PDE4DIP: variants seen among roughly 807,000 people sequenced by gnomAD.
The protein encoded by PDE4DIP is myomegalin.
In PDE4DIP, 59 loss-of-function variants were observed where a neutral mutation model predicts 221.4. The observed-to-expected ratio is 0.27, with a 90% confidence interval of 0.22 to 0.33. The LOEUF (loss-of-function observed/expected upper bound fraction) is 0.33, where lower values mean the gene tolerates loss of function less well. PDE4DIP is among the 10% of genes least tolerant of loss of function. PDE4DIP has a pLI of 1.00. For synonymous variants in PDE4DIP, 404 were observed against 815.9 expected, an observed-to-expected ratio of 0.50 and a Z score of 8.60; for missense variants, 1,036 against 2,154.2, an observed-to-expected ratio of 0.48 and a Z score of 10.28.
At chr1:148,989,664 A>G (rs2062622345) in intron 21 of PDE4DIP, among the ~76,000 whole-genome samples, 1 of 152,172 alleles carries the variant, frequency 6.6e-6, no homozygotes, top group Admixed American at 6.5e-5. Context: ...CTTCAACTAC[A>G]GGATCCTTCT....
At chr1:148,953,209 G>A (rs1225027693) in intron 5 of PDE4DIP, 2 of 1,613,636 alleles carry the variant, frequency 1.2e-6, no homozygotes, top group Non-Finnish European at 1.7e-6. Flanking sequence ...GCTGGGTGGA[G>A]AATGAGGATC....
intron 21 of PDE4DIP, chr1:148,986,043 A>G (rs1263599117): frequency 6.6e-6 from 1 of 152,204 alleles, no homozygotes; most frequent in Non-Finnish European, 1.5e-5. Context: ...ATCTGTGTCC[A>G]TGAAGTCTTA....
chr1:149,012,451 TG>T, intron 31 of PDE4DIP, 139 bp from the exon 35 acceptor site: 1 of 558,070 alleles, frequency 1.8e-6, no homozygotes, highest in South Asian at 2.3e-5. Flanking sequence ...TGTCTTATCC[TG>T]TACCACACTA....
At chr1:148,930,802 A>G (rs1553469370) in intron 2 of PDE4DIP, 1 of 141,054 alleles carries the variant, frequency 7.1e-6, no homozygotes, top group Non-Finnish European at 1.5e-5. Flanking sequence ...ATTCAACACT[A>G]TTCCTATCAA....
rs769469414 is a variant in PDE4DIP at position 149,021,325 on chromosome 1, G to A, written c.6085+172G>A. 1,314 of 604,278 alleles carry A rather than the reference G, an allele frequency of 2.2e-3. 4 individuals carry two copies. Among genetic ancestry groups the A allele is most frequent in the Admixed American group, 3.3e-3 (123 of 37,256 alleles). The allele number at this position is 604,278 out of a possible 1,614,324, so 37.4% of individuals were successfully genotyped here. ...GAGCTCTCAAACACAAAGCCCAACGGGACAGGTTGGTGGCACGAGCAAGAT... is the reference window on the plus strand; with the variant it reads ...GAGCTCTCAAACACAAAGCCCAACGAGACAGGTTGGTGGCACGAGCAAGAT... On this transcript the variant is annotated intron_variant, in intron 37 of 43. Transcript: ENST00000369354.
intron 5 of PDE4DIP, among the ~76,000 whole-genome samples, chr1:148,958,065 C>T (rs1207781801): frequency 1.4e-5 from 2 of 145,878 alleles, no homozygotes; most frequent in East Asian, 2.0e-4. Flanking sequence ...GTTACTTTGC[C>T]CATGGTGTGA....
chr1:148,964,112 A>T (rs75189712), intron 9 of PDE4DIP, among the ~76,000 whole-genome samples: 730 of 91,428 alleles, frequency 8.0e-3, no homozygotes, highest in Middle Eastern at 0.036. Context: ...TCTTTCTTTC[A>T]TTTTTTTTTT....
At chr1:148,987,402 C>T (rs2062098854) in intron 21 of PDE4DIP, among the ~76,000 whole-genome samples, 1 of 152,172 alleles carries the variant, frequency 6.6e-6, no homozygotes, top group Non-Finnish European at 1.5e-5. Context: ...CATAACATTA[C>T]AGCACCATAA....
chr1:148,987,719 A>G (rs1553551558), intron 21 of PDE4DIP, among the ~76,000 whole-genome samples: 1 of 152,092 alleles, frequency 6.6e-6, no homozygotes, highest in African/African-American at 2.4e-5. Context: ...ATGACTACAG[A>G]GTAGAATTGG....
intron 17 of PDE4DIP, 141 bp from the exon 21 acceptor site, chr1:148,977,796 G>T: frequency 7.8e-7 from 1 of 1,289,490 alleles, no homozygotes; most frequent in Non-Finnish European, 1.1e-6. Flanking sequence ...ATACTGCATG[G>T]ATTATTGGTT....
At chr1:148,997,886 T>G (rs1231309827) in intron 22 of PDE4DIP, among the ~76,000 whole-genome samples, 2 of 152,312 alleles carry the variant, frequency 1.3e-5, no homozygotes, top group African/African-American at 2.4e-5. Context: ...ATTTCTTATG[T>G]GCTTTTCTCC....
At chr1:148,990,556 A>T (rs1209906364) in intron 21 of PDE4DIP, among the ~76,000 whole-genome samples, 2 of 151,810 alleles carry the variant, frequency 1.3e-5, no homozygotes, top group Non-Finnish European at 2.9e-5. Context: ...TCTGTCTAAG[A>T]GTCCAGAGTC....
At chr1:148,895,781 CAT>C (rs1253217809) in intron 1 of PDE4DIP, among the ~76,000 whole-genome samples, 1 of 151,080 alleles carries the variant, frequency 6.6e-6, no homozygotes, top group African/African-American at 2.4e-5. Flanking sequence ...GTGTAAATAA[CAT>C]AATATAATCC....
chr1:148,828,939 TGAAC>T (rs1671307143), intron 1 of PDE4DIP, among the ~76,000 whole-genome samples: 1 of 150,848 alleles, frequency 6.6e-6, no homozygotes, highest in East Asian at 1.9e-4. Flanking sequence ...AATGAATGAA[TGAAC>T]GAATGAATGA....
At chr1:148,977,985 C>G (rs2060494536) in exon 18 of PDE4DIP, 2 of 1,614,146 alleles carry the variant, frequency 1.2e-6, no homozygotes, top group East Asian at 4.5e-5. Flanking sequence ...GGAAGAAGAG[C>G]TGCAGGTGCA....
At chr1:148,820,810 A>G (rs1274214998) in intron 1 of PDE4DIP, among the ~76,000 whole-genome samples, 1 of 144,910 alleles carries the variant, frequency 6.9e-6, no homozygotes, top group African/African-American at 2.6e-5. Flanking sequence ...TAATCTTGAG[A>G]CCCACACGAG....
intron 1 of PDE4DIP, among the ~76,000 whole-genome samples, chr1:148,847,980 C>A (rs1489787868): frequency 4.1e-5 from 1 of 24,634 alleles, no homozygotes; most frequent in African/African-American, 2.0e-4. Flanking sequence ...CAGGGAAATG[C>A]AAATTAGAAC....
At chr1:148,955,820 C>T (rs1214739124) in intron 5 of PDE4DIP, among the ~76,000 whole-genome samples, 1 of 151,898 alleles carries the variant, frequency 6.6e-6, no homozygotes, top group Non-Finnish European at 1.5e-5. Context: ...TAGTGTATGA[C>T]CTTTCTGCTG....
intron 5 of PDE4DIP, among the ~76,000 whole-genome samples, chr1:148,951,628 T>C (rs1553488509): frequency 1.3e-5 from 2 of 151,548 alleles, no homozygotes; most frequent in East Asian, 3.9e-4. Context: ...GGGACTTCAA[T>C]GGTGGTAATC....
Sources: gnomAD v4.1 joint callset for allele counts (sites outside exome capture counted in the v4.1 genomes callset) on GRCh38, gnomAD v4.1.1 for gene constraint, MANE v1.5 for transcripts, NCBI Gene and HGNC (gene_info 2026-07-23, HGNC 2026-07-21) for gene names.